Variants in UST observed in about 807,000 individuals in gnomAD.
UST encodes chondroitin sulfate 2-O-sulfotransferase.
A neutral mutation model predicts 45.6 loss-of-function variants in UST; 21 were observed. That is an observed-to-expected ratio of 0.46 (90% CI 0.33 to 0.66). The LOEUF (loss-of-function observed/expected upper bound fraction) is 0.66, where lower values mean the gene tolerates loss of function less well. Among genes scored for constraint, UST ranks in the 30% least tolerant of loss-of-function variants. The pLI is 0.02. For synonymous variants in UST, 215 were observed against 200.6 expected, an observed-to-expected ratio of 1.07 and a Z score of -0.61; for missense variants, 463 against 512.4, an observed-to-expected ratio of 0.90 and a Z score of 0.93.
chr6:148,876,040 T>C (rs544290916), intron 1 of UST, among the ~76,000 whole-genome samples: 58 of 152,316 alleles, frequency 3.8e-4, no homozygotes, highest in African/African-American at 1.3e-3. Flanking sequence ...AGGTAATTTA[T>C]AAAGAAAGGA....
chr6:148,991,683 T>C (rs1299940211), intron 5 of UST, among the ~76,000 whole-genome samples: 3 of 152,228 alleles, frequency 2.0e-5, no homozygotes, highest in Middle Eastern at 3.4e-3. Flanking sequence ...ATGGTAGATA[T>C]TAGACCCATT....
chr6:148,940,500 A>G (rs527933213), intron 2 of UST, among the ~76,000 whole-genome samples: 5 of 152,162 alleles, frequency 3.3e-5, no homozygotes, highest in Non-Finnish European at 4.4e-5. Flanking sequence ...CTAAAAAAAT[A>G]AAAAAATACA....
chr6:148,759,587 GCCTGTAATCCCAGCTC>G (rs1385306130), intron 1 of UST, among the ~76,000 whole-genome samples: 1 of 151,578 alleles, frequency 6.6e-6, no homozygotes. Context: ...GGTGGTTCAC[GCCTGTAATCCCAGCTC>G]CCTGGGAGGC....
At chr6:148,750,865 G>A (rs956853162) in intron 1 of UST, among the ~76,000 whole-genome samples, 5 of 152,186 alleles carry the variant, frequency 3.3e-5, no homozygotes, top group African/African-American at 9.7e-5. Context: ...AATGTTGGTC[G>A]GACTCGCATC....
chr6:148,880,198 ACC>A (rs1265808282), intron 1 of UST, among the ~76,000 whole-genome samples: 1 of 152,016 alleles, frequency 6.6e-6, no homozygotes. Context: ...CAGGTGATCC[ACC>A]CACCTCAGCT....
intron 1 of UST, among the ~76,000 whole-genome samples, chr6:148,759,066 G>T (rs951603575): frequency 6.6e-6 from 1 of 152,138 alleles, no homozygotes; most frequent in Non-Finnish European, 1.5e-5. Flanking sequence ...AGCCTCCAAG[G>T]CTTCAGTGTC....
At chr6:148,870,657 T>C (rs1778532172) in intron 1 of UST, among the ~76,000 whole-genome samples, 1 of 152,138 alleles carries the variant, frequency 6.6e-6, no homozygotes, top group Non-Finnish European at 1.5e-5. Flanking sequence ...CATGGAGATG[T>C]GCCTGACTCC....
Position 148,859,975 on chromosome 6 carries a change from A to G in UST, c.248-27011A>G, listed in dbSNP as rs576245933. On this transcript the variant is annotated intron_variant, in intron 1 of 7. Coordinates refer to ENST00000367463, the MANE Select transcript of UST (RefSeq NM_005715.3). ...TGGCTTAGGATTGTCTTGGCAATGC[A>G]GGCTCTTTTTTGGTTCCACATGAAC... 5.3e-5 allele frequency among the ~76,000 whole-genome samples: 8 copies of G among 152,294 alleles called. No homozygotes were observed. In the South Asian group the frequency reaches 1.7e-3, roughly 32 times the overall value.
At chr6:148,772,651 T>A (rs1051839460) in intron 1 of UST, among the ~76,000 whole-genome samples, 1 of 152,080 alleles carries the variant, frequency 6.6e-6, no homozygotes, top group Non-Finnish European at 1.5e-5. Flanking sequence ...CTCAAACTCC[T>A]GGCCTCAAGT....
At chr6:148,960,359 T>C (rs937011543) in intron 4 of UST, among the ~76,000 whole-genome samples, 1 of 152,226 alleles carries the variant, frequency 6.6e-6, no homozygotes, top group Non-Finnish European at 1.5e-5. Flanking sequence ...AAGGTCCTGT[T>C]CTTTTCCATG....
At chr6:148,940,346 A>G (rs1407774606) in intron 2 of UST, among the ~76,000 whole-genome samples, 1 of 151,718 alleles carries the variant, frequency 6.6e-6, no homozygotes, top group Non-Finnish European at 1.5e-5. Context: ...AAATTACAAA[A>G]ATTAGCCAGT....
intron 2 of UST, among the ~76,000 whole-genome samples, chr6:148,897,492 T>G (rs1191036889): frequency 6.6e-4 from 5 of 7,612 alleles, no homozygotes; most frequent in Non-Finnish European, 1.0e-3. Flanking sequence ...ATCTTTTTAT[T>G]TTTAATTTTT....
In UST at chr6:148,946,510, C is replaced by CAAAAAAAAAAAAAAA. The variant is rs71007930; in HGVS notation, c.447+5081_447+5095dup. Among the ~76,000 whole-genome samples, 6 of 33,942 alleles carry CAAAAAAAAAAAAAAA rather than the reference C, an allele frequency of 1.8e-4. 1 individual carries two copies. Among genetic ancestry groups the CAAAAAAAAAAAAAAA allele is most frequent in the Admixed American group, 4.5e-4 (1 of 2,198 alleles). The allele number at this position is 33,942 out of a possible 152,430, so 22.3% of individuals were successfully genotyped here. ...TGGGCGACAGAGCAAGACTCCATCT[C>CAAAAAAAAAAAAAAA]AAAAAAAAAAAAAAAAAAAGGCCGG... On this transcript the variant is annotated intron_variant, in intron 3 of 7. Coordinates refer to ENST00000367463, the MANE Select transcript of UST (RefSeq NM_005715.3).
At chr6:148,837,095 A>G (rs1353200288) in intron 1 of UST, among the ~76,000 whole-genome samples, 4 of 152,220 alleles carry the variant, frequency 2.6e-5, no homozygotes, top group Non-Finnish European at 4.4e-5. Context: ...AGGTATTATC[A>G]GTACACCTGA....
chr6:148,925,055 T>G (rs1290341075), intron 2 of UST, among the ~76,000 whole-genome samples: 3 of 152,144 alleles, frequency 2.0e-5, no homozygotes, highest in African/African-American at 7.2e-5. Flanking sequence ...TTCACTGACG[T>G]TTGATGGAAT....
In UST at chr6:148,747,654, T is replaced by A. The variant is rs368482150; in HGVS notation, c.224T>A (p.Leu75Gln). The A allele has an allele frequency of 6.2e-7, 1 of 1,600,610 alleles. No individual in the cohort carries two copies. Among genetic ancestry groups the A allele is most frequent in the African/African-American group, 1.4e-5 (1 of 73,748 alleles). ...CTCAGCGGGGGACCCCCTCGCTTCC[T>A]GCTCGACCTGCGGCAGTACTTGGGT... The part of the protein sequence containing the change: ...YQLSGGPPRF[L>Q]LDLRQYLGNS... Residue 75 changes from leucine to glutamine, a missense_variant, in exon 1 of 8, where the codon CTG becomes CAG. By Grantham distance (113) the Leu-to-Gln change is moderately radical. This residue lies in a region of UST where 176 missense variants were observed against 138.3 expected (regional missense o/e 1.27). Transcript: ENST00000367463.
At chr6:148,799,523 CCTT>C (rs2114714782) in intron 1 of UST, among the ~76,000 whole-genome samples, 1 of 152,122 alleles carries the variant, frequency 6.6e-6, no homozygotes, top group South Asian at 2.1e-4. Context: ...CTCAGGGGTC[CCTT>C]CTTGTTCAGG....
At chr6:149,055,693 T>C (rs1398461455) in intron 7 of UST, among the ~76,000 whole-genome samples, 2 of 152,196 alleles carry the variant, frequency 1.3e-5, no homozygotes, top group Non-Finnish European at 1.5e-5. Flanking sequence ...TGGCTGATTG[T>C]TTCTTTTTCA....
chr6:148,791,077 C>T (rs1776837918), intron 1 of UST, among the ~76,000 whole-genome samples: 1 of 152,220 alleles, frequency 6.6e-6, no homozygotes, highest in Non-Finnish European at 1.5e-5. Flanking sequence ...GACTCCACCA[C>T]TCTGACTCCC....
Sources: allele counts gnomAD v4.1 joint callset (sites outside exome capture counted in the v4.1 genomes callset), GRCh38; gene constraint gnomAD v4.1.1; regional missense constraint gnomAD v4.1.1; transcripts MANE v1.5; gene names NCBI Gene and HGNC (gene_info 2026-07-23, HGNC 2026-07-21).